Variants in CHMP7 observed in about 807,000 individuals in gnomAD.
The protein encoded by CHMP7 is CHMP family, member 7.
CHMP7 carries 15 observed loss-of-function variants against 53.7 expected under a neutral mutation model. The observed-to-expected ratio is 0.28, with a 90% CI of 0.19 to 0.43. The LOEUF is 0.43. Among genes scored for constraint, CHMP7 ranks in the 20% least tolerant of loss-of-function variants. CHMP7 has a pLI of 1.00. For synonymous variants in CHMP7, 261 were observed against 228.0 expected (o/e 1.14, Z -1.30); for missense variants, 527 against 569.4 (o/e 0.93, Z 0.76).
At chr8:23,252,920 G>T (rs1801987690) in intron 3 of CHMP7, among the ~76,000 whole-genome samples, 1 of 152,086 alleles carries the variant, frequency 6.6e-6, no homozygotes, top group African/African-American at 2.4e-5. Context: ...TATCTGGTAG[G>T]GCAGTCAAAT....
At chr8:23,247,072 C>T (rs375151751) in intron 2 of CHMP7, 78 bp downstream of exon 2, 1 of 1,351,514 alleles carries the variant, frequency 7.4e-7, no homozygotes, top group African/African-American at 1.5e-5. Context: ...GTCCTGTTCT[C>T]TGCACAGCGC....
At chr8:23,256,787 CTCT>C in intron 5 of CHMP7, 194 bp downstream of exon 5, 1 of 238,448 alleles carries the variant, frequency 4.2e-6, no homozygotes, top group Non-Finnish European at 7.7e-6. Flanking sequence ...AAAATGAGGC[CTCT>C]TTTTTTTTTT....
chr8:23,254,560 AT>A (rs57587219), intron 3 of CHMP7, among the ~76,000 whole-genome samples: 40 of 146,024 alleles, frequency 2.7e-4, no homozygotes, highest in South Asian at 6.5e-4. Context: ...ACATCCAGCT[AT>A]TTTTTTTTTT....
chr8:23,258,669 C>A, intron 7 of CHMP7, 63 bp from the exon 8 acceptor site: 1 of 1,320,452 alleles, frequency 7.6e-7, no homozygotes, highest in Non-Finnish European at 1.1e-6. Context: ...GGAGTTGAAA[C>A]AATATTGTAT....
At chr8:23,257,091 C>CT (rs1195836725) in intron 5 of CHMP7, among the ~76,000 whole-genome samples, 27,022 of 130,850 alleles carry the variant, frequency 0.21, 3,135 homozygotes, top group Middle Eastern at 0.36. Flanking sequence ...CGTGCCCGGC[C>CT]TTTTTTTTTT....
rs542779994 is a variant in CHMP7, at chr8:23,255,347, G to T, written c.572G>T (p.Cys191Phe). Residue 191 changes from cysteine (C) to phenylalanine (F), a missense_variant, in exon 4 of 11, where the codon TGC (cysteine) becomes TTC (phenylalanine). Cys to Phe is a radical substitution (Grantham distance 205, BLOSUM62 -2). Coordinates refer to ENST00000397677, the MANE Select transcript of CHMP7 (RefSeq NM_152272.5). Reference sequence around the variant, plus strand: ...CTCAGCACCCTCTGTGCTAACTCCTGCCCAGATGAGAGGACCTTCTACTTG... The same window carrying T: ...CTCAGCACCCTCTGTGCTAACTCCTTCCCAGATGAGAGGACCTTCTACTTG... ...SELSTLCANS[C>F]PDERTFYLVL... The T allele has an allele frequency of 6.2e-7, 1 of 1,614,184 alleles. No individual in the cohort carries two copies. Among genetic ancestry groups the T allele is most frequent in the South Asian group, 1.1e-5 (1 of 91,076 alleles).
intron 2 of CHMP7, 30 bp downstream of exon 2, chr8:23,247,024 A>T (rs1687556499): frequency 7.1e-7 from 1 of 1,400,156 alleles, no homozygotes. Context: ...CAGGGCCGCG[A>T]GGGCGGGCGG....
At chr8:23,259,960 T>G (rs1418799701) in intron 9 of CHMP7, 184 bp from the exon 10 acceptor site, 1 of 592,462 alleles carries the variant, frequency 1.7e-6, no homozygotes, top group Non-Finnish European at 3.0e-6. Flanking sequence ...GTGACTTAGC[T>G]TGGAGTGTGG....
At position 23,255,266 on chromosome 8, in the gene CHMP7, A is replaced by C. The variant is rs1802078505; in HGVS notation, c.491A>C (p.Tyr164Ser). ...CCACAGGAAAAGGCTGAGGAGGTGT[A>C]TCGTCTGTATCAGAACTCGCCCCTC... ...ELLKEKAEEV[Y>S]RLYQNSPLSS... is the part of the protein sequence containing the mutation. Residue 164 changes from tyrosine to serine, a missense_variant, in exon 4 of 11, where the codon TAT becomes TCT. Transcript: ENST00000397677. 1 of 1,614,116 alleles carries C rather than the reference A, an allele frequency of 6.2e-7. No homozygotes were observed. The highest frequency in any genetic ancestry group is 8.5e-7 in the Non-Finnish European group (1 of 1,180,032).
rs761111543 is a variant in CHMP7, at chr8:23,256,623, C to G, written c.791+30C>G. On this transcript the variant is annotated intron_variant, in intron 5 of 10. Coordinates refer to ENST00000397677, the MANE Select transcript of CHMP7 (RefSeq NM_152272.5). ...CTTTTAACCCTGAACTGAGCCTCCTCCCCACTGTTGCTGGCCCCCAGAGCC... is the reference window on the plus strand; with the variant it reads ...CTTTTAACCCTGAACTGAGCCTCCTGCCCACTGTTGCTGGCCCCCAGAGCC... The G allele has an allele frequency of 2.5e-6, 4 of 1,603,884 alleles. No individual in the cohort carries two copies. The South Asian group carries it at 4.4e-5, about 18-fold the overall frequency.
rs181885864 is a variant in CHMP7 at position 23,259,446 on chromosome 8, C to T, written c.1120+320C>T. Among the ~76,000 whole-genome samples, 313 of 151,936 alleles carry T rather than the reference C, an allele frequency of 2.1e-3. 2 individuals carry two copies. The highest frequency in any genetic ancestry group is 3.1e-3 in the Non-Finnish European group (211 of 67,950). On this transcript the variant is annotated intron_variant, in intron 9 of 10. Coordinates refer to ENST00000397677, the MANE Select transcript of CHMP7 (RefSeq NM_152272.5). ...CGCATTCTCGGCTCGCTGCAACCTC[C>T]GCCTCCTGGGTTCAAGTGATTCTCC...
rs575094717 is a variant in CHMP7 at position 23,254,915 on chromosome 8, A to G, written c.472-332A>G. On this transcript the variant is annotated intron_variant, in intron 3 of 10. Transcript: ENST00000397677. ...AAATCAGGCCTCAGCTCTCGTTCAC[A>G]GCTGTTCTACCTCACCTCACCTCCT... is the stretch of plus-strand genomic sequence containing the variant. 122 of 391,916 alleles carry G rather than the reference A, an allele frequency of 3.1e-4. 1 individual carries two copies. The highest frequency in any genetic ancestry group is 1.2e-3 in the Admixed American group (34 of 27,460). The allele number at this position is 391,916 out of a possible 1,614,324, so 24.3% of individuals were successfully genotyped here.
In CHMP7 at chr8:23,246,786, A is replaced by C. The variant is rs754334360; in HGVS notation, c.91A>C (p.Met31Leu). 4.4e-6 allele frequency: 7 copies of C among 1,581,892 alleles called. No homozygotes were observed. Among genetic ancestry groups the C allele is most frequent in the Non-Finnish European group, 6.0e-6 (7 of 1,164,572 alleles). The stretch of plus-strand genomic sequence containing the variant: ...CGAGTGGGAGGAGGACGAGGAGCGC[A>C]TGTCCTTCCTGTTCTCCGCTTTCAA... ...PPEWEEDEER[M>L]SFLFSAFKRS... Residue 31 changes from methionine to leucine, a missense_variant, in exon 2 of 11, where the codon ATG becomes CTG. Coordinates refer to ENST00000397677, the MANE Select transcript of CHMP7 (RefSeq NM_152272.5).
Position 23,249,136 on chromosome 8 carries a change from A to G in CHMP7, c.300-74A>G, listed in dbSNP as rs997651205. 9 of 1,295,658 alleles carry G rather than the reference A, an allele frequency of 6.9e-6. No homozygotes were observed. In the African/African-American group the frequency reaches 1.3e-4, roughly 19 times the overall value. 80.3% of individuals were successfully genotyped at this position (1,295,658 alleles called of 1,614,324 possible). A position where few individuals can be genotyped will look rare whatever the true frequency, so the allele number is the denominator to read the frequency against. On this transcript the variant is annotated intron_variant, in intron 2 of 10. Coordinates refer to ENST00000397677, the MANE Select transcript of CHMP7 (RefSeq NM_152272.5). Reference sequence around the variant, plus strand: ...AATGATAAAATTCCTCTTTTAGGGTAAAGGGGGAGCTAGAGACTGGAATGG... The same window carrying G: ...AATGATAAAATTCCTCTTTTAGGGTGAAGGGGGAGCTAGAGACTGGAATGG...
At chr8:23,247,337 C>G (rs1374493542) in intron 2 of CHMP7, among the ~76,000 whole-genome samples, 1 of 152,108 alleles carries the variant, frequency 6.6e-6, no homozygotes, top group East Asian at 1.9e-4. Flanking sequence ...TTGAATGGCC[C>G]GTGGAGCAGA....
chr8:23,250,222 C>G (rs914645091), intron 3 of CHMP7, among the ~76,000 whole-genome samples: 1 of 152,166 alleles, frequency 6.6e-6, no homozygotes, highest in African/African-American at 2.4e-5. Context: ...AGAAAGTAGA[C>G]TCAGCATTCC....
chr8:23,258,254 C>T (rs1232142304), intron 6 of CHMP7, 76 bp from the exon 7 acceptor site: 58 of 1,588,214 alleles, frequency 3.7e-5, no homozygotes, highest in Non-Finnish European at 4.7e-5. Flanking sequence ...ACATCCTTAG[C>T]GTCTGGGAAG....
chr8:23,256,591 G>A lies in CHMP7; in HGVS notation c.789G>A (p.Glu263=). The A allele has an allele frequency of 6.2e-7, 1 of 1,613,802 alleles. No homozygotes were observed. ...TGGAGTCCTTATCCCAGGAAGCAGA[G>A]AGGTAACTTTTAACCCTGAACTGAG... ...RKVESLSQEA[E]RCKEEARRAC... The change falls in exon 5 of 11, where the codon GAG becomes GAA. Residue 263 remains glutamate, a splice_region_variant and synonymous_variant. Transcript: ENST00000397677.
rs765658132 is a variant in CHMP7, at chr8:23,258,068, G to C, written c.827G>C (p.Gly276Ala). The C allele has an allele frequency of 6.2e-7, 1 of 1,613,402 alleles. No homozygotes were observed. ...KEEARRACRA[G>A]KKQLALRSLK... ...GAAGCCCGCCGGGCATGCCGAGCAG[G>C]AAAGAAGCAGCTGGTGAGTTCTTGT... Residue 276 changes from glycine to alanine, a missense_variant, in exon 6 of 11, where the codon GGA becomes GCA. Gly to Ala is a moderately conservative substitution (Grantham distance 60, BLOSUM62 0). Transcript: ENST00000397677.
Sources: gnomAD v4.1 joint callset for allele counts (sites outside exome capture counted in the v4.1 genomes callset) on GRCh38, gnomAD v4.1.1 for gene constraint, MANE v1.5 for transcripts, NCBI Gene and HGNC (gene_info 2026-07-23, HGNC 2026-07-21) for gene names.